The following VIPR1 variants were observed in gnomAD, a reference collection of about 807,000 sequenced individuals.
VIPR1 encodes the protein vasoactive intestinal polypeptide receptor 1.
Under a neutral mutation model 58.8 loss-of-function variants are expected in VIPR1, and 59 were observed. That is an observed-to-expected ratio of 1.00 (90% CI 0.81 to 1.25). The LOEUF (loss-of-function observed/expected upper bound fraction) is 1.25, where lower values mean the gene tolerates loss of function less well. Ranked by LOEUF, VIPR1 falls within the 50% of genes most tolerant of loss-of-function variation. VIPR1 has a pLI of 0.00. For synonymous variants in VIPR1, 251 were observed against 242.1 expected (o/e 1.04, Z -0.34); for missense variants, 626 against 602.7 (o/e 1.04, Z -0.40).
At chr3:42,491,942 G>C (rs913002898) in intron 1 of VIPR1, among the ~76,000 whole-genome samples, 12 of 152,180 alleles carry the variant, frequency 7.9e-5, no homozygotes, top group Non-Finnish European at 1.3e-4. Context: ...TGGGGTTCCA[G>C]AGATTCTGAG....
chr3:42,493,524 G>A (rs935367993), intron 1 of VIPR1, among the ~76,000 whole-genome samples: 2 of 152,236 alleles, frequency 1.3e-5, no homozygotes, highest in African/African-American at 4.8e-5. Context: ...TGTGGCTGCA[G>A]TGGGGGACAG....
chr3:42,520,244 A>C (rs1700843299), intron 3 of VIPR1, among the ~76,000 whole-genome samples: 1 of 152,182 alleles, frequency 6.6e-6, no homozygotes, highest in South Asian at 2.1e-4. Flanking sequence ...CCAGGGATGA[A>C]GGGAGGGGAG....
At position 42,531,818 on chromosome 3, in the gene VIPR1, C is replaced by T. The variant is rs1055534317; in HGVS notation, c.867C>T (p.Ile289=). Residue 289 remains isoleucine, a synonymous_variant, in exon 9 of 13, where the codon ATC becomes ATT. Coordinates refer to ENST00000325123, the MANE Select transcript of VIPR1 (RefSeq NM_004624.4). The part of the protein sequence containing the change: ...HFEDYGCWDT[I]NSSLWWIIKG... ...GTCTGCTCAGGTGCTGGGACACCATCAACTCCTCACTGTGGTGGATCATAA... is the reference window on the plus strand; with the variant it reads ...GTCTGCTCAGGTGCTGGGACACCATTAACTCCTCACTGTGGTGGATCATAA... The T allele has an allele frequency of 6.2e-7, 1 of 1,614,044 alleles. No individual in the cohort carries two copies. The highest frequency in any genetic ancestry group is 1.3e-5 in the African/African-American group (1 of 74,914).
intron 1 of VIPR1, among the ~76,000 whole-genome samples, chr3:42,511,481 T>A (rs1228482453): frequency 6.6e-6 from 1 of 152,106 alleles, no homozygotes; most frequent in African/African-American, 2.4e-5. Flanking sequence ...CAGAACTCCA[T>A]GAACTAGAGG....
At chr3:42,492,539 C>G (rs1038713525) in intron 1 of VIPR1, 2 of 152,514 alleles carry the variant, frequency 1.3e-5, no homozygotes, top group Non-Finnish European at 2.9e-5. Flanking sequence ...AGGTGAGGAC[C>G]TGGGGAAAGC....
intron 1 of VIPR1, among the ~76,000 whole-genome samples, chr3:42,494,341 CG>C (rs1418863994): frequency 6.6e-6 from 1 of 152,100 alleles, no homozygotes; most frequent in Non-Finnish European, 1.5e-5. Context: ...TATGATACCT[CG>C]TAGAATATGT....
chr3:42,514,315 C>G (rs116176828), intron 2 of VIPR1, among the ~76,000 whole-genome samples: 2 of 152,022 alleles, frequency 1.3e-5, no homozygotes, highest in Admixed American at 6.5e-5. Context: ...CTGTTAGCAT[C>G]TCCAGAGGAA....
Position 42,531,249 on chromosome 3 carries a change from T to C in VIPR1, c.791-222T>C, listed in dbSNP as rs115872253. On this transcript the variant is annotated intron_variant, in intron 7 of 12. Coordinates refer to ENST00000325123, the MANE Select transcript of VIPR1 (RefSeq NM_004624.4). ...GCCTCTGTCACAATTAGAAAGAGAA[T>C]GTCCGTCTAGGTAGACACAGCCCTT... The C allele has an allele frequency of 1.8e-4, 109 of 617,394 alleles. 1 individual carries two copies. The Middle Eastern group carries it at 1.8e-3, about 10-fold the overall frequency. The allele number at this position is 617,394 out of a possible 1,614,324, so 38.2% of individuals were successfully genotyped here.
In VIPR1 at chr3:42,531,854, C is replaced by T. The variant is rs1701574121; in HGVS notation, c.903C>T (p.Ile301=). The T allele has an allele frequency of 6.2e-7, 1 of 1,614,040 alleles. No homozygotes were observed. The highest frequency in any genetic ancestry group is 1.1e-5 in the South Asian group (1 of 91,084). Residue 301 remains isoleucine (I), a synonymous_variant, in exon 9 of 13, where the codon ATC becomes ATT. Transcript: ENST00000325123. ...TGTGGTGGATCATAAAGGGCCCCAT[C>T]CTCACCTCCATCTTGGTAAGATACC... The part of the protein sequence containing the change: ...SSLWWIIKGP[I]LTSILVNFIL...
chr3:42,513,430 C>T, intron 1 of VIPR1: 1 of 292,758 alleles, frequency 3.4e-6, no homozygotes, highest in Non-Finnish European at 6.6e-6. Flanking sequence ...TCCAGAGGGC[C>T]AGCTCAGGCC....
intron 12 of VIPR1, 70 bp from the exon 13 acceptor site, chr3:42,536,020 T>A: frequency 6.7e-7 from 1 of 1,486,568 alleles, no homozygotes; most frequent in Non-Finnish European, 9.0e-7. Flanking sequence ...GAACCCTAAG[T>A]CCAGGGCAGC....
intron 1 of VIPR1, 121 bp downstream of exon 1, chr3:42,502,934 C>T (rs1056063438): frequency 2.6e-6 from 2 of 757,800 alleles, no homozygotes; most frequent in Non-Finnish European, 3.6e-6. Flanking sequence ...GAATAGGGGA[C>T]ATCAAGCATC....
exon 1 of VIPR1, chr3:42,489,328 CT>C (rs1447348417): frequency 1.3e-5 from 2 of 152,182 alleles, no homozygotes; most frequent in Non-Finnish European, 2.9e-5. Context: ...GGAAAAGCAG[CT>C]TCTTTCCCAC....
intron 10 of VIPR1, chr3:42,533,274 A>G (rs1559498154): frequency 6.6e-6 from 1 of 152,104 alleles, no homozygotes; most frequent in Non-Finnish European, 1.5e-5. Flanking sequence ...TCCTGGCTAG[A>G]ATGTCACAGA....
At chr3:42,519,374 G>A (rs1355996432) in intron 3 of VIPR1, 44 bp downstream of exon 3, 2 of 1,530,138 alleles carry the variant, frequency 1.3e-6, no homozygotes, top group African/African-American at 1.4e-5. Context: ...GGGGCCGGCT[G>A]GAGTGGGGAC....
chr3:42,525,064 C>T (rs1419277904), intron 3 of VIPR1, among the ~76,000 whole-genome samples: 4 of 151,894 alleles, frequency 2.6e-5, no homozygotes, highest in Admixed American at 6.6e-5. Context: ...TGGTGATGAA[C>T]GGGTACTGAG....
chr3:42,525,753 C>A, intron 3 of VIPR1, 134 bp from the exon 4 acceptor site: 1 of 927,180 alleles, frequency 1.1e-6, no homozygotes, highest in Non-Finnish European at 1.6e-6. Context: ...GTAACTGGGT[C>A]AGGGCAGCTG....
intron 3 of VIPR1, among the ~76,000 whole-genome samples, chr3:42,522,024 G>GCA: frequency 7.0e-6 from 1 of 142,438 alleles, no homozygotes; most frequent in East Asian, 2.1e-4. Context: ...GGGATTACAG[G>GCA]TGCATACTTC....
rs528945826 is a variant in VIPR1 at position 42,527,411 on chromosome 3, G to C, written c.418G>C (p.Gly140Arg). 1.1e-5 allele frequency: 17 copies of C among 1,613,294 alleles called. No individual in the cohort carries two copies. The highest frequency in any genetic ancestry group is 1.7e-5 in the Admixed American group (1 of 59,954). Residue 140 changes from glycine (G) to arginine (R), a missense_variant, in exon 5 of 13, where the codon GGT becomes CGT. Transcript: ENST00000325123. Reference protein sequence around the residue: ...SLDEQQTMFYGSVKTGYTIGY... With the variant: ...SLDEQQTMFYRSVKTGYTIGY... ...CCAACAGCAGCAGACCATGTTCTAC[G>C]GTTCTGTGAAGACCGGCTACACCAT... is the stretch of plus-strand genomic sequence containing the variant.
Sources: gnomAD v4.1 joint callset for allele counts (sites outside exome capture counted in the v4.1 genomes callset) on GRCh38, gnomAD v4.1.1 for gene constraint, MANE v1.5 for transcripts, NCBI Gene and HGNC (gene_info 2026-07-23, HGNC 2026-07-21) for gene names.